Variants in LRRC39 observed in about 807,000 individuals in gnomAD.
LRRC39 encodes leucine rich repeat containing 39, also known as leucine-rich repeat-containing protein 39.
Under a neutral mutation model 39.7 loss-of-function variants are expected in LRRC39, and 35 were observed. The observed-to-expected ratio is 0.88, with a 90% confidence interval of 0.67 to 1.17. LRRC39 has a LOEUF of 1.17. Among genes scored for constraint, LRRC39 ranks in the 50% most tolerant of loss-of-function variants. The pLI, the probability that LRRC39 is intolerant of heterozygous loss-of-function variation, is 0.00. For missense variants in LRRC39, 357 were observed against 385.8 expected (o/e 0.93, Z 0.62); for synonymous variants, 113 against 134.1 (o/e 0.84, Z 1.09).
intron 3 of LRRC39, among the ~76,000 whole-genome samples, chr1:100,162,315 T>C (rs995901281): frequency 3.3e-5 from 5 of 152,164 alleles, no homozygotes; most frequent in Non-Finnish European, 7.4e-5. Flanking sequence ...TTTTGATCTA[T>C]TGCAAACATA....
chr1:100,169,169 A>G (rs974551805), intron 2 of LRRC39, among the ~76,000 whole-genome samples: 1 of 152,098 alleles, frequency 6.6e-6, no homozygotes, highest in Non-Finnish European at 1.5e-5. Context: ...GGAATATCCT[A>G]TGGCCTTAAA....
chr1:100,168,275 A>G, intron 3 of LRRC39, 129 bp downstream of exon 3: 4 of 711,378 alleles, frequency 5.6e-6, no homozygotes, highest in East Asian at 5.6e-5. Flanking sequence ...TTCTTTAAGT[A>G]TATTTTGAGT....
intron 1 of LRRC39, among the ~76,000 whole-genome samples, chr1:100,174,499 A>G (rs1342362230): frequency 1.3e-5 from 2 of 151,854 alleles, no homozygotes; most frequent in Non-Finnish European, 2.9e-5. Flanking sequence ...GGGTTTTACC[A>G]TGTTGCCCAG....
chr1:100,149,265 AT>A, intron 9 of LRRC39, 168 bp from the exon 10 acceptor site: 4 of 1,516,336 alleles, frequency 2.6e-6, no homozygotes, highest in East Asian at 2.5e-5. Flanking sequence ...ATATGTGGAC[AT>A]TTTTCCCTAC....
At chr1:100,151,609 A>G (rs906715605) in intron 9 of LRRC39, among the ~76,000 whole-genome samples, 11 of 152,216 alleles carry the variant, frequency 7.2e-5, no homozygotes, top group African/African-American at 2.7e-4. Context: ...TAACATTTTA[A>G]AATTATAAGA....
chr1:100,156,512 T>C (rs888200098), intron 6 of LRRC39, among the ~76,000 whole-genome samples, 195 bp from the exon 7 acceptor site: 2 of 152,358 alleles, frequency 1.3e-5, no homozygotes, highest in East Asian at 1.9e-4. Context: ...AAAACTCTCA[T>C]AGAAAGTTCA....
intron 2 of LRRC39, 40 bp downstream of exon 2, chr1:100,173,291 A>G (rs1326355193): frequency 1.3e-5 from 2 of 151,950 alleles, no homozygotes; most frequent in Non-Finnish European, 2.9e-5. Context: ...CATTACAGCC[A>G]TATTGGGTTT....
chr1:100,173,033 G>A (rs957645858), intron 2 of LRRC39, among the ~76,000 whole-genome samples: 2 of 149,110 alleles, frequency 1.3e-5, no homozygotes, highest in African/African-American at 5.0e-5. Context: ...GTGACACAGC[G>A]AGAATCTGTC....
intron 9 of LRRC39, 71 bp downstream of exon 9, chr1:100,152,314 G>T: frequency 7.2e-7 from 1 of 1,381,276 alleles, no homozygotes; most frequent in Non-Finnish European, 9.8e-7. Flanking sequence ...TTAATCAAAA[G>T]GCAGCAGTTA....
chr1:100,151,931 A>T (rs1658070824), intron 9 of LRRC39, among the ~76,000 whole-genome samples: 1 of 152,156 alleles, frequency 6.6e-6, no homozygotes, highest in Non-Finnish European at 1.5e-5. Context: ...AGCCTGGGCA[A>T]CATAGTAAGA....
chr1:100,165,003 G>T (rs1320529605), intron 3 of LRRC39, among the ~76,000 whole-genome samples: 1 of 152,080 alleles, frequency 6.6e-6, no homozygotes, highest in Non-Finnish European at 1.5e-5. Context: ...AGCATACCTG[G>T]AAAATTATTT....
chr1:100,162,377 G>A (rs1658946882), intron 3 of LRRC39, among the ~76,000 whole-genome samples: 1 of 152,118 alleles, frequency 6.6e-6, no homozygotes, highest in Admixed American at 6.5e-5. Context: ...AAACCGGCCA[G>A]GCACGGTGGC....
intron 1 of LRRC39, among the ~76,000 whole-genome samples, chr1:100,175,668 C>T (rs187137037): frequency 5.3e-4 from 80 of 151,984 alleles, no homozygotes; most frequent in Admixed American, 9.2e-4. Flanking sequence ...GAATATATAA[C>T]GAACTCCTTA....
rs545448207 is a variant in LRRC39 at position 100,163,569 on chromosome 1, T to G, written c.114-2998A>C. ...ATCTATGTATTTTCCAGCTTAAATA[T>G]TCTATAATTCCTATACAGCTTTTTC... is the stretch of plus-strand genomic sequence containing the variant. On this transcript the variant is annotated intron_variant, in intron 3 of 9. Transcript: ENST00000370137. Among the ~76,000 whole-genome samples the G allele has an allele frequency of 3.3e-5, 5 of 151,326 alleles. No homozygotes were observed. The South Asian group carries it at 6.3e-4, about 19-fold the overall frequency.
At chr1:100,155,742 G>C (rs1658405212) in intron 7 of LRRC39, among the ~76,000 whole-genome samples, 1 of 152,174 alleles carries the variant, frequency 6.6e-6, no homozygotes. Flanking sequence ...GGCTGCCTAG[G>C]TTCAAATCCT....
Position 100,156,153 on chromosome 1 carries a change from A to C in LRRC39, c.659+19T>G, listed in dbSNP as rs772526100. 8 of 1,602,944 alleles carry C rather than the reference A, an allele frequency of 5.0e-6. No homozygotes were observed. The highest frequency in any genetic ancestry group is 6.8e-6 in the Non-Finnish European group (8 of 1,174,542). On this transcript the variant is annotated intron_variant, in intron 7 of 9. Coordinates refer to ENST00000370137, the MANE Select transcript of LRRC39 (RefSeq NM_144620.4). ...GTTTCAAGACTTTTATCATTAGCAT[A>C]AAGAGTTATTTCTTTTACCTTTCTA...
At chr1:100,172,152 G>A (rs11166407) in intron 2 of LRRC39, among the ~76,000 whole-genome samples, 35,341 of 152,046 alleles carry the variant, frequency 0.23, 6,146 homozygotes, top group African/African-American at 0.49. Flanking sequence ...GATGACTTCA[G>A]TGGAAAATTC....
At position 100,149,046 on chromosome 1, in the gene LRRC39, C is replaced by T. The variant is rs1006509395; in HGVS notation, c.1004G>A (p.Gly335Glu). Residue 335 changes from glycine (G) to glutamate (E), a missense_variant, in exon 10 of 10, where the codon GGA (glycine) becomes GAA (glutamate). Physicochemically the swap from Gly to Glu is moderately conservative, Grantham distance 98. Transcript: ENST00000370137. ...AGAAGGGCATCTTGAATTATATTAT[C>T]CATCCGTATTTATGGAGATTGGTAA... is the stretch of plus-strand genomic sequence containing the variant. The part of the protein sequence containing the change: ...TTLPISINTD[G>E] 4 of 1,589,216 alleles carry T rather than the reference C, an allele frequency of 2.5e-6. No homozygotes were observed. The African/African-American group carries it at 5.4e-5, about 21-fold the overall frequency.
intron 1 of LRRC39, among the ~76,000 whole-genome samples, chr1:100,174,640 A>G (rs1336617926): frequency 6.6e-6 from 1 of 152,204 alleles, no homozygotes; most frequent in Non-Finnish European, 1.5e-5. Context: ...GGGACAGTTG[A>G]ATATCTATGT....
Sources: gnomAD v4.1 joint callset for allele counts (sites outside exome capture counted in the v4.1 genomes callset) on GRCh38, gnomAD v4.1.1 for gene constraint, MANE v1.5 for transcripts, NCBI Gene and HGNC (gene_info 2026-07-23, HGNC 2026-07-21) for gene names.